HS3ST5: variants seen among roughly 807,000 people sequenced by gnomAD.
HS3ST5 encodes the protein heparan sulfate glucosamine 3-O-sulfotransferase 5.
HS3ST5 carries 10 observed loss-of-function variants against 25.4 expected under a neutral mutation model. The ratio of observed to expected loss-of-function variants is 0.39; its 90% CI spans 0.24 to 0.67. HS3ST5 has a LOEUF of 0.67. Among genes scored for constraint, HS3ST5 ranks in the 30% least tolerant of loss-of-function variants. The pLI, the probability that HS3ST5 is intolerant of heterozygous loss-of-function variation, is 0.44. For missense variants in HS3ST5, 324 were observed against 420.7 expected (o/e 0.77, Z 2.01); for synonymous variants, 170 against 162.4 (o/e 1.05, Z -0.36).
intron 1 of HS3ST5, among the ~76,000 whole-genome samples, chr6:114,229,475 A>C (rs529887195): frequency 6.6e-6 from 1 of 152,358 alleles, no homozygotes; most frequent in East Asian, 1.9e-4. Flanking sequence ...AAGAGCATAC[A>C]CACATGCAAA....
At chr6:114,084,889 T>A (rs1774711032) in intron 3 of HS3ST5, 2 of 542,594 alleles carry the variant, frequency 3.7e-6, no homozygotes, top group Non-Finnish European at 6.6e-6. Context: ...TGGAGTTCAG[T>A]GGTGTGATCT....
chr6:114,200,945 T>C (rs745951531), intron 2 of HS3ST5, among the ~76,000 whole-genome samples: 3 of 152,218 alleles, frequency 2.0e-5, no homozygotes, highest in Non-Finnish European at 2.9e-5. Flanking sequence ...TATAACTTAA[T>C]TTATTAGATA....
At chr6:114,114,448 CAG>C (rs796854878) in intron 3 of HS3ST5, among the ~76,000 whole-genome samples, 14 of 152,236 alleles carry the variant, frequency 9.2e-5, no homozygotes, top group African/African-American at 3.1e-4. Context: ...AACTTTTCAA[CAG>C]AGTCTTAGCT....
rs72956240 is a variant in HS3ST5, at chr6:114,283,635, T to C, written c.-338-54857A>G. Among the ~76,000 whole-genome samples, 1,364 of 151,464 alleles carry C rather than the reference T, an allele frequency of 9.0e-3. 7 individuals carry two copies. Among genetic ancestry groups the C allele is most frequent in the Non-Finnish European group, 0.014 (940 of 67,852 alleles). The stretch of plus-strand genomic sequence containing the variant: ...GTTACCAAGTTCACAATGCAGACAG[T>C]CAAATTATCTTCCATTCCTACACAG... On this transcript the variant is annotated intron_variant, in intron 1 of 4. Coordinates refer to ENST00000312719, the MANE Select transcript of HS3ST5 (RefSeq NM_153612.4).
At chr6:114,318,673 A>G (rs1485907919) in intron 1 of HS3ST5, among the ~76,000 whole-genome samples, 5 of 152,132 alleles carry the variant, frequency 3.3e-5, no homozygotes, top group African/African-American at 9.7e-5. Flanking sequence ...CAGCATCGTG[A>G]TTACAAATAA....
chr6:114,273,918 G>A (rs1037574322), intron 1 of HS3ST5, among the ~76,000 whole-genome samples: 4 of 151,994 alleles, frequency 2.6e-5, no homozygotes, highest in Non-Finnish European at 5.9e-5. Context: ...TTGGGGTGTA[G>A]CTGAAGGGAG....
intron 1 of HS3ST5, among the ~76,000 whole-genome samples, chr6:114,244,529 T>C (rs774857053): frequency 6.6e-6 from 1 of 152,200 alleles, no homozygotes; most frequent in Non-Finnish European, 1.5e-5. Context: ...TTTTTAGACA[T>C]AAATGTTAGG....
At chr6:114,293,978 T>C (rs749576662) in intron 1 of HS3ST5, among the ~76,000 whole-genome samples, 1 of 152,032 alleles carries the variant, frequency 6.6e-6, no homozygotes, top group African/African-American at 2.4e-5. Flanking sequence ...GCCTTGCAAG[T>C]GAGGAAGCAT....
At chr6:114,248,076 T>C (rs1171529473) in intron 1 of HS3ST5, among the ~76,000 whole-genome samples, 2 of 151,318 alleles carry the variant, frequency 1.3e-5, no homozygotes, top group Non-Finnish European at 2.9e-5. Context: ...GGTGCATGCC[T>C]GTAAGTCCCT....
chr6:114,144,855 C>A (rs1778076460), intron 3 of HS3ST5, among the ~76,000 whole-genome samples: 1 of 152,204 alleles, frequency 6.6e-6, no homozygotes, highest in Admixed American at 6.5e-5. Context: ...GCTCCTGTGG[C>A]AGTGCCTGAT....
chr6:114,079,287 T>C (rs1774319288), intron 3 of HS3ST5, among the ~76,000 whole-genome samples: 1 of 152,242 alleles, frequency 6.6e-6, no homozygotes, highest in South Asian at 2.1e-4. Context: ...TATTTCAAAA[T>C]TGGAGTGTGT....
rs550963530 is a variant in HS3ST5, at chr6:114,160,979, C to T, written c.-33+7372G>A. 9.9e-5 allele frequency among the ~76,000 whole-genome samples: 15 copies of T among 152,246 alleles called. No homozygotes were observed. In the East Asian group the frequency reaches 2.9e-3, roughly 29 times the overall value. ...CAGCTTTTAAAAGTATTAATTTCTA[C>T]TCCAGATAATTGGAAAGGACACCTG... On this transcript the variant is annotated intron_variant, in intron 3 of 4. Transcript: ENST00000312719.
intron 3 of HS3ST5, among the ~76,000 whole-genome samples, chr6:114,141,660 C>T (rs1389673998): frequency 6.6e-6 from 1 of 152,078 alleles, no homozygotes; most frequent in African/African-American, 2.4e-5. Flanking sequence ...TTCATTTTAA[C>T]AATATGTACA....
At chr6:114,337,956 TG>T (rs1776672825) in intron 1 of HS3ST5, among the ~76,000 whole-genome samples, 1 of 152,124 alleles carries the variant, frequency 6.6e-6, no homozygotes, top group South Asian at 2.1e-4. Flanking sequence ...TAATAGCAGC[TG>T]TACCTACTTA....
At chr6:114,203,951 A>G (rs906967388) in intron 2 of HS3ST5, among the ~76,000 whole-genome samples, 2 of 152,168 alleles carry the variant, frequency 1.3e-5, no homozygotes, top group South Asian at 4.1e-4. Context: ...AAGGCATACA[A>G]ATTTATTAAT....
At chr6:114,214,762 C>G (rs1001400287) in intron 2 of HS3ST5, among the ~76,000 whole-genome samples, 7 of 152,080 alleles carry the variant, frequency 4.6e-5, no homozygotes, top group African/African-American at 1.7e-4. Flanking sequence ...TTCTCTAGGC[C>G]CCAGAACAAG....
At chr6:114,293,375 A>C (rs951084169) in intron 1 of HS3ST5, among the ~76,000 whole-genome samples, 5 of 152,226 alleles carry the variant, frequency 3.3e-5, no homozygotes, top group African/African-American at 1.2e-4. Flanking sequence ...TAAAAAGTCT[A>C]TGGACTAAAC....
At chr6:114,211,566 ACT>A (rs1400568886) in intron 2 of HS3ST5, among the ~76,000 whole-genome samples, 2 of 152,160 alleles carry the variant, frequency 1.3e-5, no homozygotes, top group African/African-American at 4.8e-5. Context: ...TTTTTATGAG[ACT>A]CATGAATATA....
intron 2 of HS3ST5, among the ~76,000 whole-genome samples, chr6:114,177,942 CTG>C (rs1372980281): frequency 6.6e-6 from 1 of 152,168 alleles, no homozygotes; most frequent in African/African-American, 2.4e-5. Flanking sequence ...GAATTCAAAA[CTG>C]TGTTTAAACA....
Sources: gnomAD v4.1 joint callset for allele counts (sites outside exome capture counted in the v4.1 genomes callset) on GRCh38, gnomAD v4.1.1 for gene constraint, MANE v1.5 for transcripts, NCBI Gene and HGNC (gene_info 2026-07-23, HGNC 2026-07-21) for gene names.